The following NFATC3 variants were observed in gnomAD, a reference collection of about 807,000 sequenced individuals.
The protein encoded by NFATC3 is nuclear factor of activated T cells 3, also known as nuclear factor of activated T-cells, cytoplasmic 3.
NFATC3 carries 46 observed loss-of-function variants against 98.6 expected under a neutral mutation model. The ratio of observed to expected loss-of-function variants is 0.47; its 90% CI spans 0.37 to 0.60. The LOEUF is 0.60. Ranked by LOEUF, NFATC3 falls within the 20% of genes least tolerant of loss-of-function variation. NFATC3 has a pLI of 0.00. For synonymous variants in NFATC3, 512 were observed against 472.2 expected, an observed-to-expected ratio of 1.08 and a Z score of -1.09; for missense variants, 1,256 against 1,295.5, an observed-to-expected ratio of 0.97 and a Z score of 0.47.
chr16:68,121,841 T>C (rs547937540), intron 1 of NFATC3, 146 bp from the exon 2 acceptor site: 12 of 867,092 alleles, frequency 1.4e-5, no homozygotes, highest in African/African-American at 5.1e-5. Context: ...GCCACTTCTT[T>C]AGTGGAGCTA....
chr16:68,138,255 G>C (rs191217489), intron 3 of NFATC3, among the ~76,000 whole-genome samples: 29 of 150,776 alleles, frequency 1.9e-4, no homozygotes, highest in Admixed American at 9.9e-4. Context: ...GGCCAGGCTA[G>C]TCTCGAACTC....
intron 9 of NFATC3, among the ~76,000 whole-genome samples, chr16:68,198,765 A>G (rs2040776360): frequency 6.6e-6 from 1 of 152,072 alleles, no homozygotes. Flanking sequence ...TTAGCTGAGC[A>G]TAGCTGGGCG....
chr16:68,111,618 T>G (rs2035951161), intron 1 of NFATC3, among the ~76,000 whole-genome samples: 1 of 152,216 alleles, frequency 6.6e-6, no homozygotes, highest in South Asian at 2.1e-4. Flanking sequence ...TTTAGTCCAT[T>G]TACTTTTAAG....
intron 3 of NFATC3, among the ~76,000 whole-genome samples, chr16:68,149,713 G>A (rs1288157456): frequency 6.6e-6 from 1 of 152,128 alleles, no homozygotes; most frequent in Non-Finnish European, 1.5e-5. Flanking sequence ...TCCAGAATTG[G>A]TGATAAATGG....
chr16:68,106,736 T>G (rs4627335), intron 1 of NFATC3, among the ~76,000 whole-genome samples: 38,049 of 150,304 alleles, frequency 0.25, 5,977 homozygotes, highest in Middle Eastern at 0.49. Context: ...GCCTTTTTTT[T>G]TTGTTGTTTT....
rs2151188608 is a variant in NFATC3, at chr16:68,227,145, A to G, written c.*674A>G. 6.6e-6 allele frequency: 1 copy of G among 152,324 alleles called. No individual in the cohort carries two copies. The highest frequency in any genetic ancestry group is 1.5e-5 in the Non-Finnish European group (1 of 68,028). 9.4% of individuals were successfully genotyped at this position (152,324 alleles called of 1,614,324 possible). A position where few individuals can be genotyped will look rare whatever the true frequency, so the allele number is the denominator to read the frequency against. ...AATATAAAAAGACATTCCAGAGCAT[A>G]GCCTTTTGGTAACTTTCTAGGTAAT... On this transcript the variant is annotated 3_prime_UTR_variant, in exon 10 of 10. Coordinates refer to ENST00000346183, the MANE Select transcript of NFATC3 (RefSeq NM_173165.3).
At chr16:68,202,981 C>G (rs2040991248) in intron 9 of NFATC3, among the ~76,000 whole-genome samples, 1 of 152,142 alleles carries the variant, frequency 6.6e-6, no homozygotes, top group African/African-American at 2.4e-5. Context: ...CACTGGATAA[C>G]TCACGAATCC....
rs1457464039 is a variant in NFATC3 at position 68,085,431 on chromosome 16, T to C, written c.-251T>C. On this transcript the variant is annotated 5_prime_UTR_variant, in exon 1 of 10. Coordinates refer to ENST00000346183, the MANE Select transcript of NFATC3 (RefSeq NM_173165.3). The stretch of plus-strand genomic sequence containing the variant: ...GACTGTGGGGGGGCGGCGGGGAACA[T>C]TGGCTAAGCCGACAGTGGAGGCTTA... 7.7e-5 allele frequency: 24 copies of C among 310,018 alleles called. No homozygotes were observed. The highest frequency in any genetic ancestry group is 2.9e-4 in the South Asian group (4 of 13,784). The allele number at this position is 310,018 out of a possible 1,614,324, so 19.2% of individuals were successfully genotyped here.
intron 1 of NFATC3, among the ~76,000 whole-genome samples, chr16:68,094,662 C>G (rs1183524666): frequency 6.6e-6 from 1 of 152,158 alleles, no homozygotes; most frequent in Non-Finnish European, 1.5e-5. Flanking sequence ...GGCAAGAAAG[C>G]TCTTTTGTCA....
At chr16:68,090,305 C>G (rs1054250450) in intron 1 of NFATC3, among the ~76,000 whole-genome samples, 7 of 136,528 alleles carry the variant, frequency 5.1e-5, no homozygotes, top group Non-Finnish European at 6.3e-5. Flanking sequence ...ACCCCCCCCC[C>G]CCAACATTTC....
At chr16:68,145,603 GA>G (rs1278650799) in intron 3 of NFATC3, among the ~76,000 whole-genome samples, 1 of 152,032 alleles carries the variant, frequency 6.6e-6, no homozygotes, top group Non-Finnish European at 1.5e-5. Context: ...ATGCTGAGTG[GA>G]AAAAAGTCAA....
At chr16:68,171,963 A>G (rs1203084547) in intron 5 of NFATC3, among the ~76,000 whole-genome samples, 1 of 151,510 alleles carries the variant, frequency 6.6e-6, no homozygotes, top group African/African-American at 2.4e-5. Context: ...TAATTTTTGT[A>G]TTTTTAGTAG....
intron 4 of NFATC3, among the ~76,000 whole-genome samples, chr16:68,166,377 G>C (rs1037561628): frequency 6.6e-6 from 1 of 152,168 alleles, no homozygotes; most frequent in African/African-American, 2.4e-5. Context: ...GGAGTGGTTA[G>C]GGATTGTCTG....
chr16:68,221,467 C>A (rs2041862476), intron 9 of NFATC3: 12 of 1,300,572 alleles, frequency 9.2e-6, no homozygotes, highest in Non-Finnish European at 1.1e-5. Context: ...ATTACTTGAG[C>A]ATGATTTTTG....
At chr16:68,196,711 A>C (rs951223186) in intron 9 of NFATC3, among the ~76,000 whole-genome samples, 1 of 151,940 alleles carries the variant, frequency 6.6e-6, no homozygotes, top group Non-Finnish European at 1.5e-5. Flanking sequence ...AGAAAAAAAA[A>C]CAACTTTTAA....
At chr16:68,173,842 A>G (rs2039576084) in intron 5 of NFATC3, among the ~76,000 whole-genome samples, 1 of 152,158 alleles carries the variant, frequency 6.6e-6, no homozygotes, top group Non-Finnish European at 1.5e-5. Flanking sequence ...TAGTTTCTTT[A>G]TAGTTGTAGT....
chr16:68,177,646 T>C (rs537517977), intron 6 of NFATC3, among the ~76,000 whole-genome samples: 59 of 152,152 alleles, frequency 3.9e-4, no homozygotes, highest in Non-Finnish European at 6.5e-4. Context: ...TCTTTTGTCT[T>C]TTTAAAACTT....
rs555630014 is a variant in NFATC3 at position 68,226,465 on chromosome 16, G to A, written c.3222G>A (p.Gly1074=). The change falls in exon 10 of 10, where the codon GGG becomes GGA. Residue 1074 remains glycine (G), a synonymous_variant. Coordinates refer to ENST00000346183, the MANE Select transcript of NFATC3 (RefSeq NM_173165.3). ...PESLDLGRSD[G]L ...CCCTGGATTTAGGAAGATCTGATGG[G>A]CTCTAACAGTGCTTACTGCAGCCTT... is the stretch of plus-strand genomic sequence containing the variant. 49 of 1,523,372 alleles carry A rather than the reference G, an allele frequency of 3.2e-5. No individual in the cohort carries two copies. In the South Asian group the frequency reaches 5.4e-4, roughly 17 times the overall value. The allele number at this position is 1,523,372 out of a possible 1,614,324, so 94.4% of individuals were successfully genotyped here.
At chr16:68,176,604 T>G (rs1247668077) in intron 6 of NFATC3, among the ~76,000 whole-genome samples, 1 of 152,234 alleles carries the variant, frequency 6.6e-6, no homozygotes, top group African/African-American at 2.4e-5. Flanking sequence ...CTTAAATTTT[T>G]TTAATCCACT....
Sources: gnomAD v4.1 joint callset for allele counts (sites outside exome capture counted in the v4.1 genomes callset) on GRCh38, gnomAD v4.1.1 for gene constraint, MANE v1.5 for transcripts, NCBI Gene and HGNC (gene_info 2026-07-23, HGNC 2026-07-21) for gene names.